Variants in LIPC observed in about 807,000 individuals in gnomAD.
LIPC encodes the protein lipase C, hepatic type, also known as hepatic triacylglycerol lipase.
In LIPC, 44 loss-of-function variants were observed where a neutral mutation model predicts 50.7. That is an observed-to-expected ratio of 0.87 (90% CI 0.68 to 1.11). The LOEUF is 1.11. LIPC is among the 50% of genes most tolerant of loss of function. The pLI is 0.00. For missense variants in LIPC, 697 were observed against 648.2 expected (o/e 1.08, Z -0.82); for synonymous variants, 271 against 256.4 (o/e 1.06, Z -0.54).
chr15:58,545,783 A>G lies in LIPC; in HGVS notation c.616A>G (p.Ser206Gly). ...AGPLFEGSAP[S>G]NRLSPDDANF... is the part of the protein sequence containing the mutation. ...ACCTTTGTTTGAGGGAAGTGCCCCCAGCAATCGTCTTTCTCCAGATGATGC... is the reference window on the plus strand; with the variant it reads ...ACCTTTGTTTGAGGGAAGTGCCCCCGGCAATCGTCTTTCTCCAGATGATGC... Residue 206 changes from serine (S) to glycine (G), a missense_variant, in exon 5 of 9, where the codon AGC (serine) becomes GGC (glycine). Transcript: ENST00000299022. The G allele has an allele frequency of 6.2e-7, 1 of 1,614,182 alleles. No homozygotes were observed. The highest frequency in any genetic ancestry group is 1.7e-4 in the Middle Eastern group (1 of 6,060).
chr15:58,538,615 T>TC, intron 2 of LIPC, 98 bp downstream of exon 2: 6 of 1,168,438 alleles, frequency 5.1e-6, no homozygotes, highest in African/African-American at 1.5e-5. Context: ...GAGCTGGTGA[T>TC]AACAACTCCA....
intron 1 of LIPC, among the ~76,000 whole-genome samples, chr15:58,446,853 T>A (rs1893713380): frequency 6.6e-6 from 1 of 152,000 alleles, no homozygotes; most frequent in Admixed American, 6.5e-5. Flanking sequence ...CTTTAAAAAG[T>A]GAGTGAGTTT....
chr15:58,538,186 G>T, intron 1 of LIPC, 147 bp from the exon 2 acceptor site: 6 of 822,198 alleles, frequency 7.3e-6, no homozygotes, highest in East Asian at 2.5e-5. Context: ...AGTCTTTGGG[G>T]CTCCCCACAG....
intron 1 of LIPC, chr15:58,436,996 A>G: frequency 2.5e-6 from 1 of 400,678 alleles, no homozygotes; most frequent in Non-Finnish European, 5.0e-6. Context: ...AACAATGTGA[A>G]TGCCCAAGTG....
chr15:58,481,656 T>C (rs970499141), intron 1 of LIPC, among the ~76,000 whole-genome samples: 3 of 151,998 alleles, frequency 2.0e-5, no homozygotes, highest in African/African-American at 4.8e-5. Flanking sequence ...AATATAAAAA[T>C]TAGCCAGGCC....
Position 58,512,614 on chromosome 15 carries a change from C to A in LIPC, c.89-25719C>A, listed in dbSNP as rs531605395. Among the ~76,000 whole-genome samples, 4 of 152,264 alleles carry A rather than the reference C, an allele frequency of 2.6e-5. No homozygotes were observed. The East Asian group carries it at 7.7e-4, about 29-fold the overall frequency. ...AGCCCACAGGGTGACATCTCCAGAT[C>A]CAGCAGTCTTTTAGGAAGGCAGATG... On this transcript the variant is annotated intron_variant, in intron 1 of 8. Coordinates refer to ENST00000299022, the MANE Select transcript of LIPC (RefSeq NM_000236.3).
At chr15:58,444,592 T>TAA (rs1488397079) in intron 1 of LIPC, among the ~76,000 whole-genome samples, 5 of 152,138 alleles carry the variant, frequency 3.3e-5, no homozygotes, top group African/African-American at 4.8e-5. Flanking sequence ...TGTCTTCTGA[T>TAA]GGCTGCGTCT....
chr15:58,541,637 G>A, intron 2 of LIPC, 148 bp from the exon 3 acceptor site: 1 of 811,186 alleles, frequency 1.2e-6, no homozygotes. Context: ...CCACAACAAG[G>A]AATTCTCTGG....
rs1384671669 is a variant in LIPC, at chr15:58,470,831, G to A, written c.88+38711G>A. On this transcript the variant is annotated intron_variant, in intron 1 of 8. Transcript: ENST00000299022. ...GCAGCCAGGATGGTCTTGATCTCCT[G>A]ACCTCGTGATCCGCCCAAGTCAAAA... is the stretch of plus-strand genomic sequence containing the variant. Among the ~76,000 whole-genome samples the A allele has an allele frequency of 3.9e-5, 6 of 152,074 alleles. No homozygotes were observed. In the East Asian group the frequency reaches 9.7e-4, roughly 25 times the overall value.
At chr15:58,490,669 G>T (rs1389446188) in intron 1 of LIPC, among the ~76,000 whole-genome samples, 1 of 152,150 alleles carries the variant, frequency 6.6e-6, no homozygotes, top group Non-Finnish European at 1.5e-5. Context: ...ACACAACAAT[G>T]AAATATGGAG....
intron 1 of LIPC, among the ~76,000 whole-genome samples, chr15:58,506,362 G>C (rs760653583): frequency 1.3e-5 from 2 of 152,092 alleles, no homozygotes; most frequent in Non-Finnish European, 2.9e-5. Context: ...CACATTGAAC[G>C]GGCTCAGTTC....
intron 1 of LIPC, among the ~76,000 whole-genome samples, chr15:58,499,596 T>G (rs575022221): frequency 3.9e-5 from 6 of 152,270 alleles, no homozygotes; most frequent in African/African-American, 1.4e-4. Flanking sequence ...ACCCTATAAG[T>G]TGATCCCAGT....
intron 1 of LIPC, among the ~76,000 whole-genome samples, chr15:58,482,842 C>G (rs1891239943): frequency 6.6e-6 from 1 of 152,192 alleles, no homozygotes; most frequent in South Asian, 2.1e-4. Context: ...GTTTAGACAT[C>G]AGGAAACCTG....
chr15:58,480,990 G>T (rs1449559792), intron 1 of LIPC, among the ~76,000 whole-genome samples: 1 of 152,158 alleles, frequency 6.6e-6, no homozygotes, highest in African/African-American at 2.4e-5. Context: ...GCACACAACA[G>T]ATGTTCCATA....
At chr15:58,482,879 C>G (rs1464802995) in intron 1 of LIPC, among the ~76,000 whole-genome samples, 1 of 152,210 alleles carries the variant, frequency 6.6e-6, no homozygotes, top group Non-Finnish European at 1.5e-5. Context: ...CTGCCATTAA[C>G]TGAGCCTCCT....
At chr15:58,542,685 C>T (rs764689519) in intron 4 of LIPC, 34 bp downstream of exon 4, 3 of 1,391,590 alleles carry the variant, frequency 2.2e-6, no homozygotes, top group Non-Finnish European at 3.1e-6. Context: ...CACTGATCTC[C>T]ACTCCATAGG....
At chr15:58,474,864 A>G (rs1890938638) in intron 1 of LIPC, among the ~76,000 whole-genome samples, 1 of 152,184 alleles carries the variant, frequency 6.6e-6, no homozygotes, top group African/African-American at 2.4e-5. Flanking sequence ...CAACTAGCCA[A>G]TGAGCCTCCT....
At chr15:58,551,113 A>G (rs1893744229) in intron 6 of LIPC, among the ~76,000 whole-genome samples, 1 of 152,102 alleles carries the variant, frequency 6.6e-6, no homozygotes, top group Non-Finnish European at 1.5e-5. Context: ...CTGGAATTAC[A>G]GGTGTGAGCT....
rs573535481 is a variant in LIPC, at chr15:58,481,748, G to A, written c.88+49628G>A. The stretch of plus-strand genomic sequence containing the variant: ...TGGGAGGCAGAGGTTACGGTGAGCC[G>A]AGATCGGGCCACTGCACTCCAGCCT... On this transcript the variant is annotated intron_variant, in intron 1 of 8. Coordinates refer to ENST00000299022, the MANE Select transcript of LIPC (RefSeq NM_000236.3). Among the ~76,000 whole-genome samples the A allele has an allele frequency of 2.5e-3, 384 of 152,304 alleles. 1 individual carries two copies. Among genetic ancestry groups the A allele is most frequent in the Non-Finnish European group, 3.3e-3 (224 of 68,020 alleles).
Sources: gnomAD v4.1 joint callset for allele counts (sites outside exome capture counted in the v4.1 genomes callset) on GRCh38, gnomAD v4.1.1 for gene constraint, MANE v1.5 for transcripts, NCBI Gene and HGNC (gene_info 2026-07-23, HGNC 2026-07-21) for gene names.